Variants in AGBL4 observed in about 807,000 individuals in gnomAD.
The protein encoded by AGBL4 is cytosolic carboxypeptidase 6.
A neutral mutation model predicts 66.4 loss-of-function variants in AGBL4; 58 were observed. The observed-to-expected ratio is 0.87, with a 90% CI of 0.71 to 1.09. AGBL4 has a LOEUF of 1.09. Among genes scored for constraint, AGBL4 ranks in the 50% least tolerant of loss-of-function variants. The pLI is 0.00. For synonymous variants in AGBL4, 234 were observed against 222.9 expected, an observed-to-expected ratio of 1.05 and a Z score of -0.44; for missense variants, 579 against 631.0, an observed-to-expected ratio of 0.92 and a Z score of 0.88.
At chr1:49,917,024 C>T (rs1651599067) in intron 1 of AGBL4, among the ~76,000 whole-genome samples, 1 of 152,140 alleles carries the variant, frequency 6.6e-6, no homozygotes, top group African/African-American at 2.4e-5. Flanking sequence ...CCTTTACAGA[C>T]AAGCAAATGC....
chr1:49,384,392 G>C (rs1283351815), intron 3 of AGBL4, among the ~76,000 whole-genome samples: 1 of 151,678 alleles, frequency 6.6e-6, no homozygotes, highest in Non-Finnish European at 1.5e-5. Context: ...AGGAGCTCGA[G>C]ACCACCCTGA....
intron 3 of AGBL4, among the ~76,000 whole-genome samples, chr1:49,277,900 G>A (rs1644201451): frequency 1.3e-5 from 2 of 152,046 alleles, no homozygotes; most frequent in South Asian, 4.1e-4. Context: ...CTACTTTTTA[G>A]TACAAGTCAA....
intron 4 of AGBL4, among the ~76,000 whole-genome samples, chr1:49,124,403 T>G (rs1645724034): frequency 6.6e-6 from 1 of 152,194 alleles, no homozygotes; most frequent in East Asian, 1.9e-4. Flanking sequence ...TACCAGCATC[T>G]GCCTGGCTGG....
chr1:50,009,718 AATT>A (rs1444749253), intron 1 of AGBL4, among the ~76,000 whole-genome samples: 2 of 152,096 alleles, frequency 1.3e-5, no homozygotes, highest in South Asian at 2.1e-4. Context: ...GAAGAAGTCG[AATT>A]ATTATTGTTT....
At chr1:49,734,730 T>A (rs1649726776) in intron 2 of AGBL4, among the ~76,000 whole-genome samples, 1 of 151,982 alleles carries the variant, frequency 6.6e-6, no homozygotes, top group Non-Finnish European at 1.5e-5. Context: ...CCTATCAAAA[T>A]GCCAACAGGG....
chr1:49,877,644 A>G (rs1253052941), intron 1 of AGBL4, among the ~76,000 whole-genome samples: 22 of 152,006 alleles, frequency 1.4e-4, no homozygotes, highest in Middle Eastern at 3.4e-3. Flanking sequence ...TCTCTGCCCG[A>G]CTTTGGTATC....
At chr1:49,431,995 T>C (rs1645798700) in intron 3 of AGBL4, among the ~76,000 whole-genome samples, 1 of 152,178 alleles carries the variant, frequency 6.6e-6, no homozygotes. Flanking sequence ...TAATTTTTCC[T>C]AGGCCTTTCC....
chr1:49,370,255 G>A (rs975602336), intron 3 of AGBL4, among the ~76,000 whole-genome samples: 3 of 151,144 alleles, frequency 2.0e-5, no homozygotes, highest in African/African-American at 4.9e-5. Context: ...TGATTTTAAG[G>A]AACTGGCTCA....
intron 6 of AGBL4, among the ~76,000 whole-genome samples, chr1:48,841,403 C>G (rs866767205): frequency 0.031 from 1,092 of 34,998 alleles, 18 homozygotes; most frequent in Non-Finnish European, 0.08. Flanking sequence ...CTACAAAACC[C>G]CCCCCCCCCA....
At chr1:49,739,459 G>A (rs1241379703) in intron 2 of AGBL4, among the ~76,000 whole-genome samples, 1 of 152,142 alleles carries the variant, frequency 6.6e-6, no homozygotes, top group Non-Finnish European at 1.5e-5. Context: ...GGGGAGAATG[G>A]AAACAAGTTG....
intron 11 of AGBL4, among the ~76,000 whole-genome samples, chr1:48,561,177 GGAA>G (rs138514291): frequency 0.067 from 10,268 of 152,230 alleles, 405 homozygotes; most frequent in South Asian, 0.094. Context: ...CATTTGTAAA[GGAA>G]GAAGAATTGT....
At chr1:49,470,181 C>A (rs1227245927) in intron 3 of AGBL4, among the ~76,000 whole-genome samples, 1 of 151,886 alleles carries the variant, frequency 6.6e-6, no homozygotes, top group African/African-American at 2.4e-5. Flanking sequence ...TTCCAGAAAA[C>A]AGAATTTATT....
At chr1:49,645,123 C>A (rs1156278257) in intron 3 of AGBL4, among the ~76,000 whole-genome samples, 1 of 151,346 alleles carries the variant, frequency 6.6e-6, no homozygotes. Flanking sequence ...AAACGTGTAG[C>A]ACTCAGTACC....
At chr1:48,828,358 T>C (rs541562310) in intron 6 of AGBL4, among the ~76,000 whole-genome samples, 4 of 152,246 alleles carry the variant, frequency 2.6e-5, no homozygotes, top group East Asian at 1.9e-4. Context: ...GATAGAGCCA[T>C]GGAGGTTGCC....
chr1:48,630,972 A>G (rs992206303), intron 9 of AGBL4, among the ~76,000 whole-genome samples: 1 of 152,144 alleles, frequency 6.6e-6, no homozygotes, highest in Non-Finnish European at 1.5e-5. Context: ...GCTTTACTCT[A>G]TAAATGCACC....
At chr1:48,560,313 A>G (rs1388274499) in intron 11 of AGBL4, among the ~76,000 whole-genome samples, 2 of 152,150 alleles carry the variant, frequency 1.3e-5, no homozygotes, top group Admixed American at 6.6e-5. Flanking sequence ...GAGCACAGCA[A>G]CTGTGTCTGA....
At chr1:48,666,711 T>C (rs189105272) in intron 6 of AGBL4, among the ~76,000 whole-genome samples, 6 of 152,366 alleles carry the variant, frequency 3.9e-5, no homozygotes, top group Middle Eastern at 3.4e-3. Flanking sequence ...ACAGCTAATT[T>C]GGCAGAGCCA....
intron 3 of AGBL4, among the ~76,000 whole-genome samples, chr1:49,661,648 C>T (rs1336826541): frequency 6.6e-6 from 1 of 152,092 alleles, no homozygotes; most frequent in Non-Finnish European, 1.5e-5. Flanking sequence ...TTATAAATTA[C>T]CCAGTCTAAA....
chr1:49,356,905 T>C (rs531811740), intron 3 of AGBL4, among the ~76,000 whole-genome samples: 1 of 152,300 alleles, frequency 6.6e-6, no homozygotes, highest in South Asian at 2.1e-4. Context: ...AAACTTCACC[T>C]GATTGACCTC....
Sources: gnomAD v4.1 joint callset for allele counts (sites outside exome capture counted in the v4.1 genomes callset) on GRCh38, gnomAD v4.1.1 for gene constraint, MANE v1.5 for transcripts, NCBI Gene and HGNC (gene_info 2026-07-23, HGNC 2026-07-21) for gene names.